RAB11FIP3: variants seen among roughly 807,000 people sequenced by gnomAD.
The protein encoded by RAB11FIP3 is rab11 family-interacting protein 3.
In RAB11FIP3, 17 loss-of-function variants were observed where a neutral mutation model predicts 77.8. The ratio of observed to expected loss-of-function variants is 0.22; its 90% confidence interval spans 0.15 to 0.33. RAB11FIP3 has a LOEUF of 0.33. Among genes scored for constraint, RAB11FIP3 ranks in the 10% least tolerant of loss-of-function variants. The probability of loss-of-function intolerance (pLI) is 1.00; values close to 1 mark genes in which losing one functional copy is unlikely to be tolerated. For synonymous variants in RAB11FIP3, 437 were observed against 448.2 expected, an observed-to-expected ratio of 0.98 and a Z score of 0.31; for missense variants, 1,005 against 1,011.2, an observed-to-expected ratio of 0.99 and a Z score of 0.08.
At chr16:487,644 A>G (rs2056184320) in intron 4 of RAB11FIP3, among the ~76,000 whole-genome samples, 1 of 152,094 alleles carries the variant, frequency 6.6e-6, no homozygotes, top group Non-Finnish European at 1.5e-5. Flanking sequence ...GGAGTGGAGC[A>G]GCGCCGGGCC....
intron 3 of RAB11FIP3, chr16:475,062 GC>G (rs2055876803): frequency 1.3e-6 from 2 of 1,551,494 alleles, no homozygotes; most frequent in Non-Finnish European, 1.7e-6. Flanking sequence ...ACAGAGCCAG[GC>G]CCAGCCTGTG....
rs777927292 is a variant in RAB11FIP3 at position 520,632 on chromosome 16, GGGGTCCACAGTCTGCACTGTCTGTGC to G, written c.2157+35_2157+60del. The G allele has an allele frequency of 4.3e-6, 7 of 1,610,862 alleles. No homozygotes were observed. In the African/African-American group the frequency reaches 9.3e-5, roughly 22 times the overall value. ...ATCCCGTGTCTGCACGGTGTGGCCTGGGGTCCACAGTCTGCACTGTCTGTGCGCTGTGGTTTATGCGCTGTGGCCTG... is the reference window on the plus strand; with the variant it reads ...ATCCCGTGTCTGCACGGTGTGGCCTGGCTGTGGTTTATGCGCTGTGGCCTG... On this transcript the variant is annotated intron_variant, in intron 13 of 13. Coordinates refer to ENST00000262305, the MANE Select transcript of RAB11FIP3 (RefSeq NM_014700.4).
intron 4 of RAB11FIP3, among the ~76,000 whole-genome samples, chr16:483,696 T>A (rs2056093584): frequency 6.6e-6 from 1 of 152,126 alleles, no homozygotes; most frequent in East Asian, 1.9e-4. Context: ...AGGAGGGAAT[T>A]AACTCGGAGT....
Position 492,359 on chromosome 16 carries a change from G to GCC in RAB11FIP3, c.1265+3359_1265+3360insCC, listed in dbSNP as rs199613861. 2.1e-4 allele frequency among the ~76,000 whole-genome samples: 9 copies of GCC among 41,922 alleles called. 1 individual carries two copies. The highest frequency in any genetic ancestry group is 1.3e-3 in the African/African-American group (8 of 6,150). The allele number at this position is 41,922 out of a possible 152,430, so 27.5% of individuals were successfully genotyped here. A position where few individuals can be genotyped will look rare whatever the true frequency, so the allele number is the denominator to read the frequency against. ...AAAGCAGAAGTGCTCTTTGAAGAGG[G>GCC]TCTTCCCGGGAGACCCGAGGCCGCC... On this transcript the variant is annotated intron_variant, in intron 5 of 13. Transcript: ENST00000262305.
chr16:489,780 G>C (rs199893516), intron 5 of RAB11FIP3, among the ~76,000 whole-genome samples: 2 of 151,754 alleles, frequency 1.3e-5, no homozygotes, highest in African/African-American at 4.8e-5. Context: ...GTGCAGGAGG[G>C]GCTGAGCAGC....
In RAB11FIP3 at chr16:425,918, C is replaced by T. The variant is rs2054930410; in HGVS notation, c.-89C>T. 1 of 438,970 alleles carries T rather than the reference C, an allele frequency of 2.3e-6. No homozygotes were observed. The highest frequency in any genetic ancestry group is 2.2e-5 in the African/African-American group (1 of 46,240). 27.2% of individuals were successfully genotyped at this position (438,970 alleles called of 1,614,324 possible). On this transcript the variant is annotated 5_prime_UTR_variant, in exon 1 of 14. Coordinates refer to ENST00000262305, the MANE Select transcript of RAB11FIP3 (RefSeq NM_014700.4). Reference sequence around the variant, plus strand: ...GGCGCCCCGCGCGCGCCCGCCCGCGCCGCCGAGGGGATGCCCGCGCCCGCC... The same window carrying T: ...GGCGCCCCGCGCGCGCCCGCCCGCGTCGCCGAGGGGATGCCCGCGCCCGCC...
intron 4 of RAB11FIP3, among the ~76,000 whole-genome samples, chr16:488,248 C>T (rs1197480233): frequency 3.3e-5 from 5 of 152,002 alleles, no homozygotes; most frequent in African/African-American, 7.2e-5. Context: ...GGCGTGGTGG[C>T]GGGCGCCTGT....
intron 5 of RAB11FIP3, among the ~76,000 whole-genome samples, chr16:489,279 C>T (rs1448232819): frequency 6.6e-6 from 1 of 152,232 alleles, no homozygotes; most frequent in African/African-American, 2.4e-5. Flanking sequence ...GGCTTGCGGG[C>T]TCCTTTGCTG....
rs148987694 is a variant in RAB11FIP3, at chr16:486,260, G to T, written c.1116-2591G>T. Among the ~76,000 whole-genome samples, 302 of 152,272 alleles carry T rather than the reference G, an allele frequency of 2.0e-3. 2 individuals are homozygous for T. Among genetic ancestry groups the T allele is most frequent in the African/African-American group, 6.8e-3 (283 of 41,560 alleles). ...TGTAATTCCAGCCCTTTGGGGGGCC[G>T]AGGCAGGTGGATCATGAGGTCAGGA... is the stretch of plus-strand genomic sequence containing the variant. On this transcript the variant is annotated intron_variant, in intron 4 of 13. Coordinates refer to ENST00000262305, the MANE Select transcript of RAB11FIP3 (RefSeq NM_014700.4).
rs73481313 is a variant in RAB11FIP3 at position 505,816 on chromosome 16, C to T, written c.1499+189C>T. On this transcript the variant is annotated intron_variant, in intron 8 of 13. Transcript: ENST00000262305. The surrounding 1 kb of genome is among the most constrained non-coding windows in gnomAD (Gnocchi z 4.0). Reference sequence around the variant, plus strand: ...CCCAGTGGGCTGCAGGCAGGCGACCCGAGGCTCTGACTGGTGCTCTCATGG... The same window carrying T: ...CCCAGTGGGCTGCAGGCAGGCGACCTGAGGCTCTGACTGGTGCTCTCATGG... 0.036 allele frequency among the ~76,000 whole-genome samples: 5,476 copies of T among 152,242 alleles called. 113 individuals are homozygous for T. Among genetic ancestry groups the T allele is most frequent in the African/African-American group, 0.058 (2,392 of 41,534 alleles).
chr16:511,158 C>T (rs1440724729), intron 9 of RAB11FIP3, among the ~76,000 whole-genome samples: 5 of 90,674 alleles, frequency 5.5e-5, no homozygotes, highest in Admixed American at 1.1e-4. Context: ...AGTTCCCCGA[C>T]GGCCCGCCAA....
chr16:460,726 G>T (rs749034701), intron 1 of RAB11FIP3, among the ~76,000 whole-genome samples: 1 of 152,170 alleles, frequency 6.6e-6, no homozygotes, highest in Non-Finnish European at 1.5e-5. Flanking sequence ...ATGTTGGCAT[G>T]CTGGATCCTT....
intron 1 of RAB11FIP3, among the ~76,000 whole-genome samples, chr16:428,096 G>A (rs1470081494): frequency 9.9e-6 from 1 of 101,354 alleles, no homozygotes; most frequent in South Asian, 3.3e-4. Flanking sequence ...GCGAGACTTC[G>A]TCTCAAAAAA....
intron 1 of RAB11FIP3, among the ~76,000 whole-genome samples, chr16:444,990 TG>T (rs1448414576): frequency 6.6e-6 from 1 of 151,234 alleles, no homozygotes; most frequent in Non-Finnish European, 1.5e-5. Context: ...GGTGGGTACC[TG>T]TAGTCCCAGC....
Position 505,711 on chromosome 16 carries a change from A to C in RAB11FIP3, c.1499+84A>C. 1.2e-5 allele frequency: 14 copies of C among 1,194,574 alleles called. No homozygotes were observed. Among genetic ancestry groups the C allele is most frequent in the Non-Finnish European group, 1.4e-5 (12 of 855,372 alleles). 74.0% of individuals were successfully genotyped at this position (1,194,574 alleles called of 1,614,324 possible). ...GCCCCCATTTACTTCTCTTTACCTC[A>C]CACAGCAGGGGCTTGGCCACCCGTC... On this transcript the variant is annotated intron_variant, in intron 8 of 13. Coordinates refer to ENST00000262305, the MANE Select transcript of RAB11FIP3 (RefSeq NM_014700.4). This position sits in a 1 kb window ranked among gnomAD's most constrained non-coding sequence, Gnocchi z 4.0.
intron 3 of RAB11FIP3, chr16:474,750 A>G: frequency 7.9e-7 from 1 of 1,268,034 alleles, no homozygotes; most frequent in South Asian, 2.2e-5. Flanking sequence ...AACAAAAGCC[A>G]CTCTGTTTTC....
intron 6 of RAB11FIP3, among the ~76,000 whole-genome samples, chr16:498,792 A>C (rs1157366216): frequency 6.6e-6 from 1 of 152,016 alleles, no homozygotes; most frequent in Non-Finnish European, 1.5e-5. Context: ...GGCAGGAGCC[A>C]CCGCGTCCCA....
chr16:456,785 A>C (rs890125806), intron 1 of RAB11FIP3, among the ~76,000 whole-genome samples: 3 of 152,156 alleles, frequency 2.0e-5, no homozygotes, highest in Non-Finnish European at 1.5e-5. Flanking sequence ...CAACAAAAAA[A>C]CAACAACAAA....
At position 520,511 on chromosome 16, in the gene RAB11FIP3, C is replaced by T. The variant is rs376752306; in HGVS notation, c.2069C>T (p.Thr690Ile). 3.7e-6 allele frequency: 6 copies of T among 1,613,620 alleles called. No individual in the cohort carries two copies. The highest frequency in any genetic ancestry group is 1.7e-5 in the Admixed American group (1 of 60,010). The change falls in exon 13 of 14, where the codon ACC becomes ATC. Residue 690 changes from threonine to isoleucine, a missense_variant. Transcript: ENST00000262305. ...QNEELNGQII[T>I]LSIQGAKSLF... ...GAGGAGCTGAACGGGCAGATCATTA[C>T]CCTCAGCATCCAGGGCGCCAAGAGC...
Sources: allele counts gnomAD v4.1 joint callset (sites outside exome capture counted in the v4.1 genomes callset), GRCh38; gene constraint gnomAD v4.1.1; non-coding constraint Gnocchi (gnomAD v3.1); transcripts MANE v1.5; gene names NCBI Gene and HGNC (gene_info 2026-07-23, HGNC 2026-07-21).